The following RFX3 variants were observed in gnomAD, a reference collection of about 807,000 sequenced individuals.
The protein encoded by RFX3 is regulatory factor X3.
Under a neutral mutation model 98.6 loss-of-function variants are expected in RFX3, and 14 were observed. The ratio of observed to expected loss-of-function variants is 0.14; its 90% confidence interval spans 0.09 to 0.22. RFX3 has a LOEUF of 0.22. Among genes scored for constraint, RFX3 ranks in the 10% least tolerant of loss-of-function variants. The pLI, the probability that RFX3 is intolerant of heterozygous loss-of-function variation, is 1.00. For synonymous variants in RFX3, 383 were observed against 328.4 expected (o/e 1.17, Z -1.80); for missense variants, 639 against 926.9 (o/e 0.69, Z 4.03).
chr9:3,350,283 A>G (rs1834954719), intron 2 of RFX3, among the ~76,000 whole-genome samples: 1 of 152,170 alleles, frequency 6.6e-6, no homozygotes, highest in African/African-American at 2.4e-5. Context: ...GAAAATAAAC[A>G]AGCTGATTTT....
chr9:3,510,024 T>C (rs1817513405), intron 1 of RFX3, among the ~76,000 whole-genome samples: 1 of 151,992 alleles, frequency 6.6e-6, no homozygotes, highest in Non-Finnish European at 1.5e-5. Context: ...TCTAATTATG[T>C]TTCTACTGAA....
At chr9:3,509,794 T>A (rs1052971409) in intron 1 of RFX3, among the ~76,000 whole-genome samples, 1 of 142,940 alleles carries the variant, frequency 7.0e-6, no homozygotes, top group Non-Finnish European at 1.5e-5. Context: ...TTTGAGTTCT[T>A]TGCCTTTAAA....
At chr9:3,386,410 T>C (rs1238210023) in intron 2 of RFX3, among the ~76,000 whole-genome samples, 1 of 152,148 alleles carries the variant, frequency 6.6e-6, no homozygotes, top group Admixed American at 6.6e-5. Context: ...TTATTTAATA[T>C]TTTTAGCTAT....
chr9:3,505,072 T>C (rs1816792886), intron 1 of RFX3, among the ~76,000 whole-genome samples: 1 of 94,078 alleles, frequency 1.1e-5, no homozygotes, highest in African/African-American at 4.4e-5. Context: ...TATAATAAAA[T>C]ATAAAAATAA....
intron 1 of RFX3, among the ~76,000 whole-genome samples, chr9:3,442,455 A>C (rs973340711): frequency 6.6e-6 from 1 of 152,188 alleles, no homozygotes; most frequent in Admixed American, 6.5e-5. Flanking sequence ...TAAAAAAATA[A>C]GGGAAGACAG....
chr9:3,495,787 T>A (rs536010352), intron 1 of RFX3, among the ~76,000 whole-genome samples: 1 of 152,212 alleles, frequency 6.6e-6, no homozygotes, highest in South Asian at 2.1e-4. Flanking sequence ...TGAAATAGGA[T>A]AGCCACTGCC....
At chr9:3,441,720 A>T (rs913705334) in intron 1 of RFX3, among the ~76,000 whole-genome samples, 1 of 152,184 alleles carries the variant, frequency 6.6e-6, no homozygotes, top group Non-Finnish European at 1.5e-5. Context: ...GATTGGAGAA[A>T]TAAATGGGAG....
chr9:3,325,567 G>T (rs1270007641), intron 4 of RFX3, among the ~76,000 whole-genome samples: 1 of 151,954 alleles, frequency 6.6e-6, no homozygotes, highest in East Asian at 1.9e-4. Flanking sequence ...TCTCAAAAAT[G>T]ATTAATGTAA....
intron 15 of RFX3, among the ~76,000 whole-genome samples, chr9:3,229,528 C>T (rs1818211624): frequency 6.6e-6 from 1 of 152,156 alleles, no homozygotes; most frequent in Non-Finnish European, 1.5e-5. Flanking sequence ...TAGCCTTCGG[C>T]TTAGACATTA....
rs979037153 is a variant in RFX3, at chr9:3,328,119, G to A, written c.474+2140C>T. 1.4e-4 allele frequency among the ~76,000 whole-genome samples: 21 copies of A among 152,238 alleles called. No individual in the cohort carries two copies. In the East Asian group the frequency reaches 2.3e-3, roughly 17 times the overall value. The stretch of plus-strand genomic sequence containing the variant: ...GGAATGGGGTTTCGAAGGATGGTAG[G>A]TTAGGATAAGACAGGGTGGATGAAA... On this transcript the variant is annotated intron_variant, in intron 4 of 16. Coordinates refer to ENST00000617270, the MANE Select transcript of RFX3 (RefSeq NM_001282116.2).
At chr9:3,524,875 A>C (rs975252930) in intron 1 of RFX3, among the ~76,000 whole-genome samples, 3 of 97,382 alleles carry the variant, frequency 3.1e-5, no homozygotes, top group South Asian at 3.4e-4. Context: ...ACACACACAC[A>C]CACCAAAGAA....
At chr9:3,382,945 T>C (rs1049424005) in intron 2 of RFX3, among the ~76,000 whole-genome samples, 1 of 152,172 alleles carries the variant, frequency 6.6e-6, no homozygotes, top group African/African-American at 2.4e-5. Flanking sequence ...GATAAAACAC[T>C]AAATAAATAC....
chr9:3,315,752 T>G (rs923026485), intron 4 of RFX3, among the ~76,000 whole-genome samples: 4 of 152,032 alleles, frequency 2.6e-5, no homozygotes. Flanking sequence ...AACACCACTA[T>G]GCAAATAAAC....
chr9:3,413,934 C>A (rs1842671193), intron 1 of RFX3, among the ~76,000 whole-genome samples: 1 of 152,176 alleles, frequency 6.6e-6, no homozygotes, highest in Admixed American at 6.5e-5. Flanking sequence ...TAGAAATTCT[C>A]CCAATAAATC....
chr9:3,225,134 G>C lies in RFX3; in HGVS notation c.2158C>G (p.Leu720Val), dbSNP rs1391817870. Residue 720 changes from leucine to valine, a missense_variant, in exon 17 of 17, where the codon CTC becomes GTC. Physicochemically the swap from Leu to Val is conservative, Grantham distance 32 (BLOSUM62 1). Transcript: ENST00000617270. ...PVLETGVQPS[L>V]LNPIHSEHIV... ...TGCTCGCTGTGAATTGGATTCAGGAGGCTTGGTTGCACGCCAGTCTCGAGA... is the reference window on the plus strand; with the variant it reads ...TGCTCGCTGTGAATTGGATTCAGGACGCTTGGTTGCACGCCAGTCTCGAGA... The C allele has an allele frequency of 6.2e-7, 1 of 1,613,834 alleles. No individual in the cohort carries two copies.
In RFX3 at chr9:3,219,457, A is replaced by AC. The variant is rs1461460863; in HGVS notation, c.*5584_*5585insG. Reference sequence around the variant, plus strand: ...CCAACATCATAATTTATTTAAAAAAAAAAAACAAAGGAAAGAGGGGAGAAA... The same window carrying AC: ...CCAACATCATAATTTATTTAAAAAAACAAAAACAAAGGAAAGAGGGGAGAAA... On this transcript the variant is annotated 3_prime_UTR_variant, in exon 17 of 17. Transcript: ENST00000617270. 6.6e-6 allele frequency: 1 copy of AC among 151,876 alleles called. No individual in the cohort carries two copies. The highest frequency in any genetic ancestry group is 1.9e-4 in the East Asian group (1 of 5,204). The allele number at this position is 151,876 out of a possible 1,614,324, so 9.4% of individuals were successfully genotyped here.
chr9:3,316,781 G>T (rs1035700590), intron 4 of RFX3, among the ~76,000 whole-genome samples: 1 of 152,036 alleles, frequency 6.6e-6, no homozygotes. Context: ...GCATCAAAGA[G>T]AATAAAATAC....
intron 2 of RFX3, among the ~76,000 whole-genome samples, chr9:3,359,363 T>C (rs980108425): frequency 1.3e-5 from 2 of 152,148 alleles, no homozygotes; most frequent in African/African-American, 2.4e-5. Context: ...TTGTTGTTGT[T>C]ATTGTTGCTG....
chr9:3,498,321 A>T (rs867397944), intron 1 of RFX3, among the ~76,000 whole-genome samples: 2 of 152,166 alleles, frequency 1.3e-5, no homozygotes, highest in African/African-American at 4.8e-5. Context: ...AATTTCAAAA[A>T]ATGTTGTTCA....
Sources: allele counts gnomAD v4.1 joint callset (sites outside exome capture counted in the v4.1 genomes callset), GRCh38; gene constraint gnomAD v4.1.1; transcripts MANE v1.5; gene names NCBI Gene and HGNC (gene_info 2026-07-23, HGNC 2026-07-21).